Variants in MATN2 observed in about 807,000 individuals in gnomAD.
MATN2 encodes the protein matrilin-2.
In MATN2, 69 loss-of-function variants were observed where a neutral mutation model predicts 103.2. The observed-to-expected ratio is 0.67, with a 90% confidence interval of 0.55 to 0.82. The LOEUF (loss-of-function observed/expected upper bound fraction) is 0.82. Among genes scored for constraint, MATN2 ranks in the 40% least tolerant of loss-of-function variants. The pLI, the probability that MATN2 is intolerant of heterozygous loss-of-function variation, is 0.00. For synonymous variants in MATN2, 429 were observed against 450.2 expected (o/e 0.95, Z 0.60); for missense variants, 1,023 against 1,211.5 (o/e 0.84, Z 2.31).
In MATN2 at chr8:98,028,517, G is replaced by C. The variant is rs1346690639; in HGVS notation, c.2356+688G>C. 2.6e-5 allele frequency among the ~76,000 whole-genome samples: 4 copies of C among 152,142 alleles called. No individual in the cohort carries two copies. The East Asian group carries it at 7.7e-4, about 29-fold the overall frequency. On this transcript the variant is annotated intron_variant, in intron 14 of 18. Transcript: ENST00000254898. Reference sequence around the variant, plus strand: ...AAAGGTAGGATAATTGGTAGAGACAGTTTATGGTGAAGTTTCTAGATTCCT... The same window carrying C: ...AAAGGTAGGATAATTGGTAGAGACACTTTATGGTGAAGTTTCTAGATTCCT...
chr8:97,957,683 G>A (rs534549592), intron 4 of MATN2, among the ~76,000 whole-genome samples: 6 of 152,300 alleles, frequency 3.9e-5, no homozygotes, highest in African/African-American at 1.4e-4. Context: ...GTTTAGAAGA[G>A]GAAAGCTGAA....
At chr8:97,952,229 TTC>T in intron 4 of MATN2, 1 of 152,344 alleles carries the variant, frequency 6.6e-6, no homozygotes, top group East Asian at 1.9e-4. Context: ...CCACTTCTCC[TTC>T]TCTCTTGCTG....
At chr8:97,983,290 G>A (rs1171735261) in intron 6 of MATN2, among the ~76,000 whole-genome samples, 2 of 152,068 alleles carry the variant, frequency 1.3e-5, no homozygotes, top group African/African-American at 2.4e-5. Context: ...GTTGATGGAC[G>A]TTTGGGCTCC....
chr8:97,959,682 T>TTTAAATAAGA (rs1811244726), intron 4 of MATN2, among the ~76,000 whole-genome samples: 1 of 152,250 alleles, frequency 6.6e-6, no homozygotes, highest in Non-Finnish European at 1.5e-5. Flanking sequence ...CCAGAATTCT[T>TTTAAATAAGA]ATTTGTAGAC....
chr8:97,994,004 A>G (rs78194385), intron 6 of MATN2, among the ~76,000 whole-genome samples: 2,902 of 151,370 alleles, frequency 0.019, 103 homozygotes, highest in African/African-American at 0.066. Context: ...CTAGCAGAAG[A>G]GTCCAGGTAT....
rs111566577 is a variant in MATN2, at chr8:97,873,922, C to G, written c.-27+4635C>G. On this transcript the variant is annotated intron_variant, in intron 1 of 18. Transcript: ENST00000254898. ...AGATTATAGGCGTGAGGCACCACGC[C>G]TGGCCAGTAACCCTCAACTTTGGCC... is the stretch of plus-strand genomic sequence containing the variant. Among the ~76,000 whole-genome samples the G allele has an allele frequency of 1.3e-4, 20 of 152,314 alleles. No homozygotes were observed. The East Asian group carries it at 3.5e-3, about 26-fold the overall frequency.
chr8:97,872,457 C>A (rs1170140958), intron 1 of MATN2, among the ~76,000 whole-genome samples: 1 of 152,184 alleles, frequency 6.6e-6, no homozygotes, highest in Non-Finnish European at 1.5e-5. Flanking sequence ...ACAAATTTCA[C>A]AAACATAGTG....
At chr8:97,888,451 C>T (rs1456183541) in intron 2 of MATN2, among the ~76,000 whole-genome samples, 1 of 152,154 alleles carries the variant, frequency 6.6e-6, no homozygotes, top group East Asian at 1.9e-4. Flanking sequence ...TTCTTTGAAG[C>T]CTTTAATTGA....
intron 4 of MATN2, among the ~76,000 whole-genome samples, chr8:97,946,582 C>A (rs924858855): frequency 3.3e-5 from 5 of 152,146 alleles, no homozygotes; most frequent in Admixed American, 2.6e-4. Context: ...CCCAGAATTC[C>A]TGTCCTACTA....
chr8:97,904,830 T>A (rs78374144), intron 2 of MATN2, among the ~76,000 whole-genome samples: 22,364 of 152,060 alleles, frequency 0.15, 1,887 homozygotes, highest in Admixed American at 0.24. Flanking sequence ...GGGATCCATG[T>A]CCCTCAAAGT....
chr8:97,934,358 G>C (rs1409088961), intron 3 of MATN2, among the ~76,000 whole-genome samples: 2 of 152,226 alleles, frequency 1.3e-5, no homozygotes, highest in East Asian at 3.8e-4. Flanking sequence ...TATTCAGTGT[G>C]CACTGTGTTA....
intron 10 of MATN2, among the ~76,000 whole-genome samples, chr8:98,010,480 G>A (rs934097364): frequency 2.6e-5 from 4 of 152,154 alleles, no homozygotes; most frequent in Non-Finnish European, 5.9e-5. Context: ...GAGAATGGTC[G>A]TTGCTGCCTT....
intron 2 of MATN2, among the ~76,000 whole-genome samples, chr8:97,926,586 C>G (rs1195399262): frequency 6.6e-6 from 1 of 152,218 alleles, no homozygotes; most frequent in Non-Finnish European, 1.5e-5. Flanking sequence ...GTTTTCCTTT[C>G]TATAAAATGA....
At chr8:98,028,034 G>A (rs1274226751) in intron 14 of MATN2, among the ~76,000 whole-genome samples, 3 of 152,160 alleles carry the variant, frequency 2.0e-5, no homozygotes, top group Non-Finnish European at 4.4e-5. Context: ...TCAGGAAGGA[G>A]TCTGGCTACT....
At chr8:98,000,939 G>A (rs1167923989) in intron 7 of MATN2, among the ~76,000 whole-genome samples, 2 of 152,204 alleles carry the variant, frequency 1.3e-5, no homozygotes, top group African/African-American at 4.8e-5. Context: ...GGTCACAAAA[G>A]ATGACAAAAT....
At position 98,005,475 on chromosome 8, in the gene MATN2, G is replaced by A. The variant is rs560884671; in HGVS notation, c.1328-1630G>A. On this transcript the variant is annotated intron_variant, in intron 8 of 18. Transcript: ENST00000254898. This position sits in a 1 kb window ranked among gnomAD's most constrained non-coding sequence, Gnocchi z 4.6. ...TGGCTGAGCCCACGCAGATCACCAG[G>A]GACATGGCTTGACTGCCCCTCCCAG... 6.6e-6 allele frequency among the ~76,000 whole-genome samples: 1 copy of A among 152,264 alleles called. No individual in the cohort carries two copies. The highest frequency in any genetic ancestry group is 3.4e-3 in the Middle Eastern group (1 of 294).
intron 2 of MATN2, among the ~76,000 whole-genome samples, chr8:97,903,506 C>G (rs1222408398): frequency 6.6e-6 from 1 of 152,072 alleles, no homozygotes; most frequent in Admixed American, 6.6e-5. Context: ...CAAATATTTG[C>G]TGGATGGGTG....
intron 5 of MATN2, among the ~76,000 whole-genome samples, chr8:97,965,870 G>A (rs1811461417): frequency 6.6e-6 from 1 of 152,142 alleles, no homozygotes; most frequent in Non-Finnish European, 1.5e-5. Flanking sequence ...TGTAGTCCCA[G>A]CTACTCCAGA....
In MATN2 at chr8:97,982,107, A is replaced by G. The variant is rs959991106; in HGVS notation, c.1081+3099A>G. Among the ~76,000 whole-genome samples the G allele has an allele frequency of 7.9e-5, 12 of 152,220 alleles. No homozygotes were observed. Among genetic ancestry groups the G allele is most frequent in the Admixed American group, 5.2e-4 (8 of 15,280 alleles). On this transcript the variant is annotated intron_variant, in intron 6 of 18. Transcript: ENST00000254898. This position sits in a 1 kb window ranked among gnomAD's most constrained non-coding sequence, Gnocchi z 4.3. ...GCCTCAGGGCAGTACATCCCTTAGA[A>G]GAGCCCTCTTCCCACCATGCTTGGG...
Sources: allele counts gnomAD v4.1 joint callset (sites outside exome capture counted in the v4.1 genomes callset), GRCh38; gene constraint gnomAD v4.1.1; non-coding constraint Gnocchi (gnomAD v3.1); transcripts MANE v1.5; gene names NCBI Gene and HGNC (gene_info 2026-07-23, HGNC 2026-07-21).